FSIP2: variants seen among roughly 807,000 people sequenced by gnomAD.
FSIP2 encodes fibrous sheath-interacting protein 2.
Under a neutral mutation model 510.5 loss-of-function variants are expected in FSIP2, and 367 were observed. The ratio of observed to expected loss-of-function variants is 0.72; its 90% confidence interval spans 0.66 to 0.78. The LOEUF (loss-of-function observed/expected upper bound fraction) is 0.78. Ranked by LOEUF, FSIP2 falls within the 30% of genes least tolerant of loss-of-function variation. FSIP2 has a pLI of 0.00. For missense variants in FSIP2, 7,594 were observed against 7,901.7 expected, an observed-to-expected ratio of 0.96 and a Z score of 1.48; for synonymous variants, 2,601 against 2,732.2, an observed-to-expected ratio of 0.95 and a Z score of 1.50.
Position 185,793,302 on chromosome 2 carries a change from G to T in FSIP2, c.6166G>T (p.Asp2056Tyr). Residue 2056 changes from aspartate (D) to tyrosine (Y), a missense_variant, in exon 16 of 23, where the codon GAC becomes TAC. Asp to Tyr is a radical substitution (Grantham distance 160). Coordinates refer to ENST00000424728, the MANE Select transcript of FSIP2 (RefSeq NM_173651.4). ...CATTATATCACGTAAAGGCAAATGT[G>T]ACAAAAACAGTTCTGACAAAGAGAT... ...LDIISRKGKCDKNSSDKEIDL... is the reference protein window; with the variant it reads ...LDIISRKGKCYKNSSDKEIDL... 1 of 1,534,084 alleles carries T rather than the reference G, an allele frequency of 6.5e-7. No homozygotes were observed. The highest frequency in any genetic ancestry group is 1.2e-5 in the South Asian group (1 of 83,964).
Position 185,804,507 on chromosome 2 carries a change from T to A in FSIP2, c.15201T>A (p.Asp5067Glu). 1 of 1,515,230 alleles carries A rather than the reference T, an allele frequency of 6.6e-7. No homozygotes were observed. Among genetic ancestry groups the A allele is most frequent in the Non-Finnish European group, 8.8e-7 (1 of 1,137,202 alleles). 93.9% of individuals were successfully genotyped at this position (1,515,230 alleles called of 1,614,324 possible). A position where few individuals can be genotyped will look rare whatever the true frequency, so the allele number is the denominator to read the frequency against. Residue 5067 changes from aspartate to glutamate, a missense_variant, in exon 17 of 23, where the codon GAT becomes GAA. Coordinates refer to ENST00000424728, the MANE Select transcript of FSIP2 (RefSeq NM_173651.4). Reference sequence around the variant, plus strand: ...ATTTGCTATTGGAAGAAATATATGATTATCAAGTGCAGTCATTAGTTTCAG... The same window carrying A: ...ATTTGCTATTGGAAGAAATATATGAATATCAAGTGCAGTCATTAGTTTCAG... ...IYYLLLEEIY[D>E]YQVQSLVSGE... is the part of the protein sequence containing the mutation.
rs551251855 is a variant in FSIP2, at chr2:185,784,518, G to A, written c.1470-1734G>A. 4.6e-5 allele frequency among the ~76,000 whole-genome samples: 7 copies of A among 152,186 alleles called. No homozygotes were observed. In the South Asian group the frequency reaches 8.3e-4, roughly 18 times the overall value. On this transcript the variant is annotated intron_variant, in intron 14 of 22. Coordinates refer to ENST00000424728, the MANE Select transcript of FSIP2 (RefSeq NM_173651.4). Reference sequence around the variant, plus strand: ...AGTGGCCTGCAAAGGCTTCATTTGGGATTAGAGAGAAGTAGTCACAGATCC... The same window carrying A: ...AGTGGCCTGCAAAGGCTTCATTTGGAATTAGAGAGAAGTAGTCACAGATCC...
In FSIP2 at chr2:185,806,962, T is replaced by G; in HGVS notation, c.17656T>G (p.Ser5886Ala). 1 of 1,611,136 alleles carries G rather than the reference T, an allele frequency of 6.2e-7. No individual in the cohort carries two copies. Among genetic ancestry groups the G allele is most frequent in the Middle Eastern group, 1.7e-4 (1 of 6,034 alleles). Residue 5886 changes from serine to alanine, a missense_variant, in exon 17 of 23, where the codon TCT (serine) becomes GCT (alanine). Coordinates refer to ENST00000424728, the MANE Select transcript of FSIP2 (RefSeq NM_173651.4). The stretch of plus-strand genomic sequence containing the variant: ...AGCACCATCCAGCATTAAGATAAAA[T>G]CTGCAGATAAAATGCCACCTATGCA... ...DEAPSSIKIK[S>A]ADKMPPMHKM...
intron 5 of FSIP2, 129 bp downstream of exon 5, chr2:185,745,697 A>G: frequency 2.5e-6 from 2 of 816,238 alleles, no homozygotes; most frequent in Admixed American, 3.8e-5. Flanking sequence ...AGTGTAGAGG[A>G]AGGAAGTGAA....
chr2:185,800,722 A>T lies in FSIP2; in HGVS notation c.11416A>T (p.Lys3806Ter). The stretch of plus-strand genomic sequence containing the variant: ...AGAAGATGGAAAATCTGATTATCGT[A>T]AGGGAGGAATGGACTGTGAATGCCT... The part of the protein sequence containing the change: ...SVEDGKSDYR[K>*]GGMDCECLQV... Residue 3806 changes from lysine (K) to a stop codon, truncating the protein, a stop_gained, in exon 17 of 23, where the codon AAG (lysine) becomes TAG (stop). Transcript: ENST00000424728. LOFTEE classifies it high-confidence loss of function. 6.5e-6 allele frequency: 10 copies of T among 1,533,540 alleles called. No homozygotes were observed. Among genetic ancestry groups the T allele is most frequent in the Non-Finnish European group, 8.7e-6 (10 of 1,145,316 alleles). 95.0% of individuals were successfully genotyped at this position (1,533,540 alleles called of 1,614,324 possible).
At chr2:185,748,269 T>A (rs1692076032) in intron 7 of FSIP2, among the ~76,000 whole-genome samples, 1 of 151,878 alleles carries the variant, frequency 6.6e-6, no homozygotes, top group African/African-American at 2.4e-5. Flanking sequence ...TTATTTTTCT[T>A]CTTTCTTTTT....
intron 20 of FSIP2, among the ~76,000 whole-genome samples, chr2:185,824,731 A>AT (rs746407277): frequency 6.6e-6 from 1 of 151,744 alleles, no homozygotes; most frequent in Admixed American, 6.6e-5. Flanking sequence ...CACATTTACC[A>AT]TACTCCTGTG....
rs746912598 is a variant in FSIP2 at position 185,828,240 on chromosome 2, G to A, written c.20517+41G>A. The A allele has an allele frequency of 7.1e-5, 80 of 1,120,552 alleles. 1 individual carries two copies. The South Asian group carries it at 9.4e-4, about 13-fold the overall frequency. The allele number at this position is 1,120,552 out of a possible 1,614,324, so 69.4% of individuals were successfully genotyped here. The stretch of plus-strand genomic sequence containing the variant: ...TAGCCTTAGTTGATATATATTAGGA[G>A]CTAGTTCAGAACAACTCAGTTTTCA... On this transcript the variant is annotated intron_variant, in intron 21 of 22. Coordinates refer to ENST00000424728, the MANE Select transcript of FSIP2 (RefSeq NM_173651.4).
chr2:185,762,025 A>C lies in FSIP2; in HGVS notation c.1240+8A>C, dbSNP rs756844955. ...GTATTTTCGATGATAGAGGTAAGAA[A>C]ATAAACAATAGTCATAATTTTTCTG... On this transcript the variant is annotated splice_region_variant and intron_variant, in intron 11 of 22. Transcript: ENST00000424728. 7.4e-7 allele frequency: 1 copy of C among 1,353,704 alleles called. No individual in the cohort carries two copies. Among genetic ancestry groups the C allele is most frequent in the South Asian group, 1.3e-5 (1 of 78,300 alleles). 83.9% of individuals were successfully genotyped at this position (1,353,704 alleles called of 1,614,324 possible). A position where few individuals can be genotyped will look rare whatever the true frequency, so the allele number is the denominator to read the frequency against.
chr2:185,807,176 T>C lies in FSIP2; in HGVS notation c.17870T>C (p.Ile5957Thr). The C allele has an allele frequency of 1.2e-6, 2 of 1,601,786 alleles. No individual in the cohort carries two copies. The highest frequency in any genetic ancestry group is 4.5e-5 in the East Asian group (2 of 44,772). ...RRLTSAVINE[I>T]FQRQVNLIFC... is the part of the protein sequence containing the mutation. ...CTAACTAGTGCAGTGATAAATGAAA[T>C]TTTCCAACGTCAGGTTAACTTGATA... Residue 5957 changes from isoleucine to threonine, a missense_variant, in exon 17 of 23, where the codon ATT becomes ACT. Physicochemically the swap from Ile to Thr is moderately conservative, Grantham distance 89 (BLOSUM62 -1). Coordinates refer to ENST00000424728, the MANE Select transcript of FSIP2 (RefSeq NM_173651.4).
intron 18 of FSIP2, 35 bp from the exon 19 acceptor site, chr2:185,815,336 C>T (rs1192070036): frequency 1.1e-6 from 1 of 912,092 alleles, no homozygotes; most frequent in Admixed American, 2.2e-5. Flanking sequence ...ATCCCAAACT[C>T]CATTTAGTGT....
Position 185,792,608 on chromosome 2 carries a change from A to C in FSIP2, c.5472A>C (p.Gln1824His), listed in dbSNP as rs1167174199. The change falls in exon 16 of 23, where the codon CAA becomes CAC. Residue 1824 changes from glutamine to histidine, a missense_variant. Gln to His is a conservative substitution (Grantham distance 24, BLOSUM62 0). Transcript: ENST00000424728. ...AGCCAACTCCCCAAACATCTGTTCA[A>C]TTTATGGATAAAATGATGGATCCTT... is the stretch of plus-strand genomic sequence containing the variant. ...VDEPTPQTSV[Q>H]FMDKMMDPLL... The C allele has an allele frequency of 2.0e-6, 3 of 1,533,998 alleles. No individual in the cohort carries two copies. In the African/African-American group the frequency reaches 4.1e-5, roughly 21 times the overall value.
rs887647953 is a variant in FSIP2 at position 185,791,486 on chromosome 2, C to A, written c.4350C>A (p.Thr1450=). 8 of 1,534,026 alleles carry A rather than the reference C, an allele frequency of 5.2e-6. No individual in the cohort carries two copies. The highest frequency in any genetic ancestry group is 7.0e-6 in the Non-Finnish European group (8 of 1,145,602). ...AAATGTTAAGCAAGCTCCTGGGGAC[C>A]CATCTTCATTCTCAGCTATCTTGTA... The part of the protein sequence containing the change: ...LHEMLSKLLG[T]HLHSQLSCSQ... Residue 1450 remains threonine, a synonymous_variant, in exon 16 of 23, where the codon ACC becomes ACA. Transcript: ENST00000424728.
At chr2:185,745,284 T>C (rs1692003926) in intron 4 of FSIP2, 145 bp from the exon 5 acceptor site, 1 of 453,434 alleles carries the variant, frequency 2.2e-6, no homozygotes, top group East Asian at 3.6e-5. Flanking sequence ...TTGGTTTACT[T>C]GTCTGTGTCT....
Position 185,802,038 on chromosome 2 carries a change from C to T in FSIP2, c.12732C>T (p.Asp4244=). The T allele has an allele frequency of 6.5e-7, 1 of 1,531,584 alleles. No homozygotes were observed. Among genetic ancestry groups the T allele is most frequent in the South Asian group, 1.2e-5 (1 of 83,464 alleles). The allele number at this position is 1,531,584 out of a possible 1,614,324, so 94.9% of individuals were successfully genotyped here. A position where few individuals can be genotyped will look rare whatever the true frequency, so the allele number is the denominator to read the frequency against. Residue 4244 remains aspartate (D), a synonymous_variant, in exon 17 of 23, where the codon GAC becomes GAT. Coordinates refer to ENST00000424728, the MANE Select transcript of FSIP2 (RefSeq NM_173651.4). ...SIVSRSPIMI[D]QIASFIIQEI... is the part of the protein sequence containing the mutation. Reference sequence around the variant, plus strand: ...TAAGCCGAAGCCCAATTATGATTGACCAAATAGCCAGCTTTATCATCCAAG... The same window carrying T: ...TAAGCCGAAGCCCAATTATGATTGATCAAATAGCCAGCTTTATCATCCAAG...
intron 22 of FSIP2, 94 bp from the exon 23 acceptor site, chr2:185,832,996 T>G: frequency 9.7e-7 from 1 of 1,034,722 alleles, no homozygotes; most frequent in Non-Finnish European, 1.5e-6. Flanking sequence ...TATTACCAGC[T>G]GGGCCACCTT....
At chr2:185,828,733 C>G (rs568982394) in intron 21 of FSIP2, among the ~76,000 whole-genome samples, 1 of 152,000 alleles carries the variant, frequency 6.6e-6, no homozygotes, top group South Asian at 2.1e-4. Context: ...AAAATTTCCT[C>G]TTTATAAATC....
At chr2:185,826,691 A>G (rs1694016953) in intron 20 of FSIP2, among the ~76,000 whole-genome samples, 1 of 151,888 alleles carries the variant, frequency 6.6e-6, no homozygotes. Flanking sequence ...GTTAACAGCT[A>G]TATCACCAAG....
At chr2:185,746,891 G>C in intron 6 of FSIP2, 81 bp downstream of exon 6, 3 of 998,428 alleles carry the variant, frequency 3.0e-6, no homozygotes, top group Non-Finnish European at 4.2e-6. Context: ...ACTGTACATT[G>C]TGCTGCTTGA....
Sources: allele counts gnomAD v4.1 joint callset (sites outside exome capture counted in the v4.1 genomes callset), GRCh38; gene constraint gnomAD v4.1.1; transcripts MANE v1.5; gene names NCBI Gene and HGNC (gene_info 2026-07-23, HGNC 2026-07-21).